ASIC2: variants seen among roughly 807,000 people sequenced by gnomAD.
The protein encoded by ASIC2 is acid-sensing ion channel 2.
Under a neutral mutation model 57.3 loss-of-function variants are expected in ASIC2, and 25 were observed. The ratio of observed to expected loss-of-function variants is 0.44; its 90% confidence interval spans 0.32 to 0.61. The LOEUF is 0.61. Among genes scored for constraint, ASIC2 ranks in the 20% least tolerant of loss-of-function variants. The probability of loss-of-function intolerance (pLI) is 0.06; values close to 1 mark genes in which losing one functional copy is unlikely to be tolerated. For missense variants in ASIC2, 641 were observed against 738.1 expected (o/e 0.87, Z 1.52); for synonymous variants, 319 against 307.5 (o/e 1.04, Z -0.39).
chr17:33,995,970 G>A (rs1243033091), intron 1 of ASIC2, among the ~76,000 whole-genome samples: 4 of 152,122 alleles, frequency 2.6e-5, no homozygotes, highest in Admixed American at 6.5e-5. Context: ...CACCAACAGC[G>A]TACAAGGGTT....
chr17:33,817,450 A>T (rs1047543100), intron 1 of ASIC2, among the ~76,000 whole-genome samples: 8 of 152,158 alleles, frequency 5.3e-5, no homozygotes, highest in African/African-American at 1.9e-4. Context: ...CACAGACCTA[A>T]CTGGTGCTGC....
At chr17:33,083,075 G>T (rs1392929004) in intron 3 of ASIC2, among the ~76,000 whole-genome samples, 1 of 152,224 alleles carries the variant, frequency 6.6e-6, no homozygotes, top group Non-Finnish European at 1.5e-5. Context: ...TTTCAGGGCA[G>T]ATTTTTAATG....
chr17:33,164,593 C>CAT (rs1436463573), intron 1 of ASIC2, among the ~76,000 whole-genome samples: 1 of 151,900 alleles, frequency 6.6e-6, no homozygotes, highest in Middle Eastern at 3.2e-3. Context: ...CACACACACA[C>CAT]ACACACACAC....
At chr17:33,018,131 G>A (rs1316685632) in intron 7 of ASIC2, among the ~76,000 whole-genome samples, 1 of 152,152 alleles carries the variant, frequency 6.6e-6, no homozygotes. Flanking sequence ...GCCACCTTAG[G>A]GCACCTCCCA....
At chr17:33,647,646 G>T (rs1906786295) in intron 1 of ASIC2, among the ~76,000 whole-genome samples, 2 of 152,192 alleles carry the variant, frequency 1.3e-5, no homozygotes, top group African/African-American at 4.8e-5. Context: ...GTGCACATGT[G>T]TATATCTGTG....
At chr17:33,345,867 G>A (rs747169868) in intron 1 of ASIC2, among the ~76,000 whole-genome samples, 4 of 152,124 alleles carry the variant, frequency 2.6e-5, no homozygotes, top group African/African-American at 9.7e-5. Flanking sequence ...AGACCAGTTA[G>A]GAGGTAATTC....
chr17:33,506,125 T>A (rs1914244155), intron 1 of ASIC2, among the ~76,000 whole-genome samples: 1 of 150,780 alleles, frequency 6.6e-6, no homozygotes, highest in African/African-American at 2.4e-5. Flanking sequence ...CTGGGTGTGG[T>A]GGCTCACGCC....
At chr17:33,484,125 A>G (rs1913503005) in intron 1 of ASIC2, among the ~76,000 whole-genome samples, 2 of 152,236 alleles carry the variant, frequency 1.3e-5, no homozygotes, top group African/African-American at 4.8e-5. Flanking sequence ...AGCCCAGTTA[A>G]TCTGATTTCA....
chr17:33,285,130 TA>T (rs775914241), intron 1 of ASIC2, among the ~76,000 whole-genome samples: 2 of 152,244 alleles, frequency 1.3e-5, no homozygotes, highest in Non-Finnish European at 2.9e-5. Context: ...ATGTCCTGGC[TA>T]TTTCTCCAGC....
intron 1 of ASIC2, among the ~76,000 whole-genome samples, chr17:33,161,742 T>C (rs886337909): frequency 7.9e-5 from 12 of 152,162 alleles, no homozygotes; most frequent in African/African-American, 2.9e-4. Context: ...CCACGGCATT[T>C]TATGCAAACC....
chr17:33,908,094 T>C (rs950099076), intron 1 of ASIC2, among the ~76,000 whole-genome samples: 4 of 152,220 alleles, frequency 2.6e-5, no homozygotes, highest in Non-Finnish European at 4.4e-5. Flanking sequence ...CCTTACAGTG[T>C]CCCAGTGTGC....
At chr17:34,084,534 T>C (rs1910022945) in intron 1 of ASIC2, among the ~76,000 whole-genome samples, 1 of 152,254 alleles carries the variant, frequency 6.6e-6, no homozygotes, top group Admixed American at 6.5e-5. Flanking sequence ...GGCTCTTTTT[T>C]GGTTCCATAT....
chr17:33,080,879 G>A (rs11657545), intron 3 of ASIC2, among the ~76,000 whole-genome samples: 76,399 of 151,942 alleles, frequency 0.5, 19,563 homozygotes, highest in Non-Finnish European at 0.56. Context: ...TCATCACGCT[G>A]TTCAGAATGG....
intron 1 of ASIC2, among the ~76,000 whole-genome samples, chr17:33,628,343 G>A (rs1906052697): frequency 6.6e-6 from 1 of 151,676 alleles, no homozygotes; most frequent in Non-Finnish European, 1.5e-5. Context: ...CCAAGCTGGA[G>A]TACAGTGGTG....
intron 1 of ASIC2, among the ~76,000 whole-genome samples, chr17:34,101,884 A>C (rs1382320713): frequency 6.6e-6 from 1 of 152,218 alleles, no homozygotes; most frequent in Admixed American, 6.5e-5. Flanking sequence ...AATTGTCGAC[A>C]TTCAGCCATT....
chr17:33,615,418 T>C (rs1905569530), intron 1 of ASIC2, among the ~76,000 whole-genome samples: 1 of 152,040 alleles, frequency 6.6e-6, no homozygotes, highest in Non-Finnish European at 1.5e-5. Flanking sequence ...AGAAAGAAAA[T>C]AACTTAAAGG....
chr17:33,027,027 G>C (rs1022144453), intron 4 of ASIC2, among the ~76,000 whole-genome samples: 1 of 152,120 alleles, frequency 6.6e-6, no homozygotes, highest in African/African-American at 2.4e-5. Context: ...TCAGATATAG[G>C]TCTCATTGGT....
At chr17:33,654,703 C>T (rs1264301743) in intron 1 of ASIC2, among the ~76,000 whole-genome samples, 1 of 152,172 alleles carries the variant, frequency 6.6e-6, no homozygotes, top group Non-Finnish European at 1.5e-5. Flanking sequence ...AAAACTACTC[C>T]CAAGTTTACT....
intron 2 of ASIC2, among the ~76,000 whole-genome samples, chr17:33,090,050 C>T (rs2092151359): frequency 6.6e-6 from 1 of 152,200 alleles, no homozygotes; most frequent in Admixed American, 6.5e-5. Context: ...CCCCAGGCTC[C>T]TTACCCACCC....
Sources: allele counts gnomAD v4.1 joint callset (sites outside exome capture counted in the v4.1 genomes callset), GRCh38; gene constraint gnomAD v4.1.1; transcripts MANE v1.5; gene names NCBI Gene and HGNC (gene_info 2026-07-23, HGNC 2026-07-21).